Variants in PCDHGA5 observed in about 807,000 individuals in gnomAD.
The protein encoded by PCDHGA5 is protocadherin gamma subfamily A, 5.
Under a neutral mutation model 56.7 loss-of-function variants are expected in PCDHGA5, and 36 were observed. The observed-to-expected ratio is 0.64, with a 90% CI of 0.49 to 0.84. The LOEUF (loss-of-function observed/expected upper bound fraction) is 0.84, where lower values mean the gene tolerates loss of function less well. PCDHGA5 is among the 40% of genes least tolerant of loss of function. The probability of loss-of-function intolerance (pLI) is 0.00; values close to 1 mark genes in which losing one functional copy is unlikely to be tolerated. For synonymous variants in PCDHGA5, 563 were observed against 520.2 expected (o/e 1.08, Z -1.12); for missense variants, 1,305 against 1,201.5 (o/e 1.09, Z -1.27).
chr5:141,389,321 G>T (rs570682726), intron 1 of PCDHGA5: 1 of 1,613,982 alleles, frequency 6.2e-7, no homozygotes. Context: ...ATCCGGACTT[G>T]GGGCCCAACG....
chr5:141,509,719 C>G (rs2099877973), intron 3 of PCDHGA5, among the ~76,000 whole-genome samples: 1 of 152,152 alleles, frequency 6.6e-6, no homozygotes, highest in Non-Finnish European at 1.5e-5. Flanking sequence ...TGTCTGATGT[C>G]ACCTAGCTGT....
chr5:141,400,454 T>C (rs779993462), intron 1 of PCDHGA5: 1 of 1,614,096 alleles, frequency 6.2e-7, no homozygotes, highest in Non-Finnish European at 8.5e-7. Flanking sequence ...CAAGACATAC[T>C]TTGTGGTGAT....
intron 1 of PCDHGA5, chr5:141,418,374 T>C: frequency 1.2e-6 from 2 of 1,613,968 alleles, no homozygotes; most frequent in Non-Finnish European, 1.7e-6. Flanking sequence ...AAATACCAAC[T>C]AAGTCCTAAC....
Position 141,485,365 on chromosome 5 carries a change from G to A in PCDHGA5, c.2422-9442G>A. 1 of 1,614,120 alleles carries A rather than the reference G, an allele frequency of 6.2e-7. No homozygotes were observed. Among genetic ancestry groups the A allele is most frequent in the Admixed American group, 1.7e-5 (1 of 60,018 alleles). ...CGGACAGTCTGTCAGCTCGCAGGCT[G>A]CAGGTCGCTGGAGAGGTGAACCAAA... On this transcript the variant is annotated intron_variant, in intron 1 of 3. Transcript: ENST00000518069. The surrounding 1 kb of genome is among the most constrained non-coding windows in gnomAD (Gnocchi z 5.7).
chr5:141,481,312 T>C (rs953898526), intron 1 of PCDHGA5, among the ~76,000 whole-genome samples: 1 of 152,200 alleles, frequency 6.6e-6, no homozygotes, highest in Non-Finnish European at 1.5e-5. Flanking sequence ...AAAACCTTCC[T>C]AAAGCACTAG....
rs754836894 is a variant in PCDHGA5 at position 141,432,969 on chromosome 5, C to G, written c.2422-61838C>G. ...GGAGGCGGCTTGACAGGAGCGCCGG[C>G]GTCGCACTTTGTGGGCGTGGACGGG... On this transcript the variant is annotated intron_variant, in intron 1 of 3. Coordinates refer to ENST00000518069, the MANE Select transcript of PCDHGA5 (RefSeq NM_018918.3). The surrounding 1 kb of genome is among the most constrained non-coding windows in gnomAD (Gnocchi z 6.0). 5.0e-6 allele frequency: 8 copies of G among 1,614,030 alleles called. No homozygotes were observed. In the Admixed American group the frequency reaches 5.0e-5, roughly 10 times the overall value.
At chr5:141,368,255 T>C (rs1354188654) in intron 1 of PCDHGA5, among the ~76,000 whole-genome samples, 1 of 152,202 alleles carries the variant, frequency 6.6e-6, no homozygotes, top group Non-Finnish European at 1.5e-5. Context: ...GAAAGGTTAA[T>C]TGACACATTA....
Position 141,364,472 on chromosome 5 carries a change from A to C in PCDHGA5, c.142A>C (p.Ile48Leu), listed in dbSNP as rs375080558. The change falls in exon 1 of 4, where the codon ATA becomes CTA. Residue 48 changes from isoleucine (I) to leucine (L), a missense_variant. Ile to Leu is a conservative substitution (Grantham distance 5). Transcript: ENST00000518069. ...ELDKGSFVGN[I>L]AKDLGLEPQE... is the part of the protein sequence containing the mutation. ...GGACAAAGGCTCCTTCGTCGGCAAC[A>C]TAGCCAAGGACCTTGGGCTGGAGCC... The C allele has an allele frequency of 6.8e-6, 11 of 1,614,038 alleles. 1 individual carries two copies. Among genetic ancestry groups the C allele is most frequent in the Middle Eastern group, 1.7e-4 (1 of 6,056 alleles).
In PCDHGA5 at chr5:141,489,928, G is replaced by A. The variant is rs752861962; in HGVS notation, c.2422-4879G>A. ...CCGCTCAGGGACCACCCTTATCTCT[G>A]TCATCGTGCTGGACATCAATGATAA... On this transcript the variant is annotated intron_variant, in intron 1 of 3. Transcript: ENST00000518069. The surrounding 1 kb of genome is among the most constrained non-coding windows in gnomAD (Gnocchi z 4.5). 2 of 1,614,206 alleles carry A rather than the reference G, an allele frequency of 1.2e-6. No homozygotes were observed. Among genetic ancestry groups the A allele is most frequent in the Non-Finnish European group, 1.7e-6 (2 of 1,180,038 alleles).
intron 1 of PCDHGA5, among the ~76,000 whole-genome samples, chr5:141,472,889 G>A (rs1163806093): frequency 6.6e-6 from 1 of 151,392 alleles, no homozygotes; most frequent in Non-Finnish European, 1.5e-5. Context: ...GGGAGGCTGA[G>A]GCAGGAGAAT....
Position 141,493,685 on chromosome 5 carries a change from G to A in PCDHGA5, c.2422-1122G>A, listed in dbSNP as rs139973755. ...CCATGGCAGCCCCAGAATGGTGCTG[G>A]TGACTCCCGATACACCTGGAATGCT... On this transcript the variant is annotated intron_variant, in intron 1 of 3. Transcript: ENST00000518069. The surrounding 1 kb of genome is among the most constrained non-coding windows in gnomAD (Gnocchi z 4.3). 1.1e-3 allele frequency among the ~76,000 whole-genome samples: 165 copies of A among 152,282 alleles called. 3 individuals carry two copies. The highest frequency in any genetic ancestry group is 8.2e-3 in the Admixed American group (125 of 15,298).
chr5:141,405,593 C>T (rs1262163993), intron 1 of PCDHGA5: 1 of 579,000 alleles, frequency 1.7e-6, no homozygotes, highest in African/African-American at 1.9e-5. Context: ...TACAGGCCTC[C>T]CAAGTAGAAT....
chr5:141,471,717 C>T (rs1196344901), intron 1 of PCDHGA5, among the ~76,000 whole-genome samples: 1 of 152,022 alleles, frequency 6.6e-6, no homozygotes, highest in Non-Finnish European at 1.5e-5. Flanking sequence ...GTGCCACTTA[C>T]CAGGTAAGGA....
chr5:141,497,730 G>T (rs13182286), intron 2 of PCDHGA5, among the ~76,000 whole-genome samples: 247 of 152,136 alleles, frequency 1.6e-3, no homozygotes, highest in Non-Finnish European at 2.8e-3. Flanking sequence ...AGTAGAGATG[G>T]GTTTCGCCAC....
intron 1 of PCDHGA5, chr5:141,422,139 A>C: frequency 1.9e-6 from 3 of 1,588,154 alleles, no homozygotes; most frequent in Non-Finnish European, 2.6e-6. Context: ...AAGTTCAAGT[A>C]CGGGGGTCTC....
chr5:141,478,418 C>T, intron 1 of PCDHGA5: 1 of 1,613,650 alleles, frequency 6.2e-7, no homozygotes, highest in Non-Finnish European at 8.5e-7. Context: ...GGACTCCCGC[C>T]GCAGCGACCC....
chr5:141,510,510 G>C (rs1042950478), intron 3 of PCDHGA5, among the ~76,000 whole-genome samples: 1 of 152,132 alleles, frequency 6.6e-6, no homozygotes, highest in Non-Finnish European at 1.5e-5. Context: ...CTGAGAGCCC[G>C]TGTCACAGCC....
intron 1 of PCDHGA5, chr5:141,372,274 G>T (rs767978142): frequency 4.3e-6 from 7 of 1,612,960 alleles, no homozygotes; most frequent in Non-Finnish European, 3.4e-6. Context: ...GGTGAGGTGC[G>T]CACGGCGCGT....
Position 141,366,565 on chromosome 5 carries a change from G to T in PCDHGA5, c.2235G>T (p.Gly745=). The T allele has an allele frequency of 1.2e-6, 2 of 1,614,252 alleles. No individual in the cohort carries two copies. The highest frequency in any genetic ancestry group is 1.7e-6 in the Non-Finnish European group (2 of 1,180,050). ...CCTCGCACTTTGTGGGCGTGGATGG[G>T]GTTCGGGCTTTCCTGCAGACCTATT... ...VPASHFVGVD[G]VRAFLQTYSH... is the part of the protein sequence containing the mutation. Residue 745 remains glycine (G), a synonymous_variant, in exon 1 of 4, where the codon GGG becomes GGT. Coordinates refer to ENST00000518069, the MANE Select transcript of PCDHGA5 (RefSeq NM_018918.3).
Sources: gnomAD v4.1 joint callset for allele counts (sites outside exome capture counted in the v4.1 genomes callset) on GRCh38, gnomAD v4.1.1 for gene constraint, Gnocchi (gnomAD v3.1) non-coding constraint, MANE v1.5 for transcripts, NCBI Gene and HGNC (gene_info 2026-07-23, HGNC 2026-07-21) for gene names.